The following SH3PXD2B variants were observed in gnomAD, a reference collection of about 807,000 sequenced individuals.
SH3PXD2B encodes the protein SH3 and PX domains 2B, also known as SH3 and PX domain-containing protein 2B.
SH3PXD2B carries 37 observed loss-of-function variants against 73.1 expected under a neutral mutation model. The ratio of observed to expected loss-of-function variants is 0.51; its 90% CI spans 0.39 to 0.67. The LOEUF (loss-of-function observed/expected upper bound fraction) is 0.67. Ranked by LOEUF, SH3PXD2B falls within the 30% of genes least tolerant of loss-of-function variation. SH3PXD2B has a pLI of 0.00. For synonymous variants in SH3PXD2B, 457 were observed against 480.5 expected, an observed-to-expected ratio of 0.95 and a Z score of 0.64; for missense variants, 1,053 against 1,197.8, an observed-to-expected ratio of 0.88 and a Z score of 1.78.
chr5:172,448,016 CT>C (rs766988146), intron 1 of SH3PXD2B, among the ~76,000 whole-genome samples: 1 of 152,238 alleles, frequency 6.6e-6, no homozygotes, highest in Non-Finnish European at 1.5e-5. Flanking sequence ...CAAGCACCTA[CT>C]TTTTCCCAAT....
intron 5 of SH3PXD2B, among the ~76,000 whole-genome samples, chr5:172,379,069 CAAAAAAA>C (rs61301407): frequency 1.2e-3 from 93 of 76,006 alleles, no homozygotes; most frequent in Middle Eastern, 8.9e-3. Flanking sequence ...GACTCTGTCT[CAAAAAAA>C]AAAAAAAAAA....
chr5:172,441,756 A>G lies in SH3PXD2B; in HGVS notation c.75+12522T>C, dbSNP rs1352984244. 4.6e-5 allele frequency among the ~76,000 whole-genome samples: 7 copies of G among 152,044 alleles called. No homozygotes were observed. In the East Asian group the frequency reaches 5.8e-4, roughly 13 times the overall value. On this transcript the variant is annotated intron_variant, in intron 1 of 12. Coordinates refer to ENST00000311601, the MANE Select transcript of SH3PXD2B (RefSeq NM_001017995.3). ...TTCCCGCTGAGCTTGGGGTCAGGACAAGGAGAAGAGAACTAGATAGGAATG... is the reference window on the plus strand; with the variant it reads ...TTCCCGCTGAGCTTGGGGTCAGGACGAGGAGAAGAGAACTAGATAGGAATG...
chr5:172,410,497 C>T (rs910735517), intron 2 of SH3PXD2B, among the ~76,000 whole-genome samples: 24 of 152,180 alleles, frequency 1.6e-4, no homozygotes, highest in East Asian at 3.9e-4. Context: ...TCAATAAAAA[C>T]GGGCTGAACT....
chr5:172,400,834 G>A (rs945828870), intron 3 of SH3PXD2B, among the ~76,000 whole-genome samples: 1 of 152,150 alleles, frequency 6.6e-6, no homozygotes, highest in African/African-American at 2.4e-5. Flanking sequence ...ATGTTGGTTC[G>A]GGCTCGAGAA....
chr5:172,352,042 T>C (rs1757168375), intron 9 of SH3PXD2B, among the ~76,000 whole-genome samples: 1 of 152,146 alleles, frequency 6.6e-6, no homozygotes, highest in Admixed American at 6.5e-5. Context: ...CTTTCTAGCA[T>C]CAGTCAGATC....
intron 1 of SH3PXD2B, among the ~76,000 whole-genome samples, chr5:172,438,271 ACT>A (rs975963765): frequency 2.0e-5 from 3 of 151,650 alleles, no homozygotes; most frequent in African/African-American, 7.3e-5. Context: ...TCTAGCTCCC[ACT>A]CTCTGAGTTC....
intron 2 of SH3PXD2B, among the ~76,000 whole-genome samples, chr5:172,409,051 C>T (rs761264368): frequency 2.6e-4 from 40 of 152,130 alleles, no homozygotes; most frequent in Non-Finnish European, 4.7e-4. Flanking sequence ...CTATATAATA[C>T]GCTATTGTTA....
Position 172,333,655 on chromosome 5 carries a change from A to C in SH3PXD2B, c.*4714T>G. 4 of 1,289,344 alleles carry C rather than the reference A, an allele frequency of 3.1e-6. No individual in the cohort carries two copies. Among genetic ancestry groups the C allele is most frequent in the East Asian group, 5.5e-5 (1 of 18,022 alleles). 79.9% of individuals were successfully genotyped at this position (1,289,344 alleles called of 1,614,324 possible). On this transcript the variant is annotated 3_prime_UTR_variant, in exon 13 of 13. Coordinates refer to ENST00000311601, the MANE Select transcript of SH3PXD2B (RefSeq NM_001017995.3). ...ATATACTCATTTATTTAATGTGTTA[A>C]AGGAAACAAAAACCACCACCGGAAT...
rs910327106 is a variant in SH3PXD2B at position 172,336,636 on chromosome 5, T to G, written c.*1733A>C. ...CCCCCCAAAAAACTGGCTTTGTGGG[T>G]CCAAAAGTATCTCGCCTGATGAACA... On this transcript the variant is annotated 3_prime_UTR_variant, in exon 13 of 13. Coordinates refer to ENST00000311601, the MANE Select transcript of SH3PXD2B (RefSeq NM_001017995.3). 20 of 961,272 alleles carry G rather than the reference T, an allele frequency of 2.1e-5. No homozygotes were observed. In the African/African-American group the frequency reaches 4.0e-4, roughly 19 times the overall value. 59.5% of individuals were successfully genotyped at this position (961,272 alleles called of 1,614,324 possible).
At chr5:172,422,368 T>A (rs760207014) in intron 2 of SH3PXD2B, 48 bp downstream of exon 2, 23 of 1,507,990 alleles carry the variant, frequency 1.5e-5, no homozygotes, top group Non-Finnish European at 2.0e-5. Flanking sequence ...GTAAGTCCAA[T>A]TAAACTCTTT....
intron 10 of SH3PXD2B, among the ~76,000 whole-genome samples, chr5:172,349,038 T>C (rs1421551061): frequency 1.3e-5 from 2 of 152,156 alleles, no homozygotes; most frequent in Non-Finnish European, 2.9e-5. Context: ...ACAAAGACAT[T>C]GAGGCTGCAG....
At chr5:172,327,353 C>G (rs1284625689) in intron 12 of SH3PXD2B, among the ~76,000 whole-genome samples, 1 of 152,106 alleles carries the variant, frequency 6.6e-6, no homozygotes, top group East Asian at 1.9e-4. Context: ...CATGTCAGAG[C>G]CAGAACTCAA....
chr5:172,413,340 A>G (rs1758745350), intron 2 of SH3PXD2B, among the ~76,000 whole-genome samples: 1 of 152,110 alleles, frequency 6.6e-6, no homozygotes. Context: ...TGGTGTCCTG[A>G]TGGACGTGCT....
At chr5:172,441,901 C>G (rs28672194) in intron 1 of SH3PXD2B, among the ~76,000 whole-genome samples, 3,043 of 152,148 alleles carry the variant, frequency 0.02, 91 homozygotes, top group African/African-American at 0.067. Context: ...CTGTGGGTAC[C>G]CTTGGCCACT....
In SH3PXD2B at chr5:172,397,544, C is replaced by G. The variant is rs534313808; in HGVS notation, c.233-2905G>C. Among the ~76,000 whole-genome samples, 13 of 152,300 alleles carry G rather than the reference C, an allele frequency of 8.5e-5. No homozygotes were observed. The South Asian group carries it at 2.7e-3, about 32-fold the overall frequency. ...CACAGAACCTGCCGACATGTGATGT[C>G]TCCCCCGGACACCCAGCTTTAAAAT... On this transcript the variant is annotated intron_variant, in intron 3 of 12. Coordinates refer to ENST00000311601, the MANE Select transcript of SH3PXD2B (RefSeq NM_001017995.3).
rs892135612 is a variant in SH3PXD2B at position 172,333,980 on chromosome 5, C to G, written c.*4389G>C. ...TAGAATTGCTTATTGCTGATGTAAG[C>G]CTGGTGGGGGCACCTTCTTTTTTAC... On this transcript the variant is annotated 3_prime_UTR_variant, in exon 13 of 13. Transcript: ENST00000311601. The G allele has an allele frequency of 8.3e-7, 1 of 1,203,042 alleles. No homozygotes were observed. The highest frequency in any genetic ancestry group is 1.5e-5 in the South Asian group (1 of 65,420). 74.5% of individuals were successfully genotyped at this position (1,203,042 alleles called of 1,614,324 possible). A position where few individuals can be genotyped will look rare whatever the true frequency, so the allele number is the denominator to read the frequency against.
At chr5:172,380,553 A>G (rs949679170) in intron 5 of SH3PXD2B, among the ~76,000 whole-genome samples, 3 of 152,244 alleles carry the variant, frequency 2.0e-5, no homozygotes, top group African/African-American at 7.2e-5. Context: ...TGATGGCGAC[A>G]CAAATTGGGA....
chr5:172,411,751 T>C (rs145089174), intron 2 of SH3PXD2B, among the ~76,000 whole-genome samples: 233 of 152,108 alleles, frequency 1.5e-3, no homozygotes, highest in African/African-American at 5.1e-3. Context: ...ATATGTTATT[T>C]TGAAAGTTAT....
At chr5:172,417,034 G>C (rs900672790) in intron 2 of SH3PXD2B, among the ~76,000 whole-genome samples, 2 of 152,106 alleles carry the variant, frequency 1.3e-5, no homozygotes, top group African/African-American at 2.4e-5. Context: ...TCCCACAAGG[G>C]AGCCTGGGTC....
Sources: allele counts gnomAD v4.1 joint callset (sites outside exome capture counted in the v4.1 genomes callset), GRCh38; gene constraint gnomAD v4.1.1; transcripts MANE v1.5; gene names NCBI Gene and HGNC (gene_info 2026-07-23, HGNC 2026-07-21).